The following MGLL variants were observed in gnomAD, a reference collection of about 807,000 sequenced individuals.
The protein encoded by MGLL is monoglyceride lipase.
A neutral mutation model predicts 29.1 loss-of-function variants in MGLL; 7 were observed. That is an observed-to-expected ratio of 0.24 (90% CI 0.14 to 0.45). The LOEUF is 0.45. Among genes scored for constraint, MGLL ranks in the 20% least tolerant of loss-of-function variants. MGLL has a pLI of 0.99. For missense variants in MGLL, 356 were observed against 413.6 expected (o/e 0.86, Z 1.21); for synonymous variants, 148 against 168.3 (o/e 0.88, Z 0.93).
chr3:127,750,207 C>T (rs796489397), intron 3 of MGLL, among the ~76,000 whole-genome samples: 8 of 152,212 alleles, frequency 5.3e-5, no homozygotes, highest in African/African-American at 1.2e-4. Flanking sequence ...GTGTCCCGTT[C>T]GTCTCCTGGT....
At chr3:127,800,435 G>GT in intron 2 of MGLL, among the ~76,000 whole-genome samples, 1 of 152,272 alleles carries the variant, frequency 6.6e-6, no homozygotes, top group Non-Finnish European at 1.5e-5. Context: ...TCCTACTTCT[G>GT]TGAGTTTGGG....
At chr3:127,800,369 A>T (rs2077454082) in intron 2 of MGLL, among the ~76,000 whole-genome samples, 2 of 152,284 alleles carry the variant, frequency 1.3e-5, no homozygotes, top group Admixed American at 1.3e-4. Context: ...CATTAATAAG[A>T]CCCCTTACAT....
At chr3:127,810,152 AC>A (rs777095174) in intron 2 of MGLL, among the ~76,000 whole-genome samples, 5 of 152,220 alleles carry the variant, frequency 3.3e-5, no homozygotes, top group Non-Finnish European at 7.3e-5. Flanking sequence ...ACACGAGGAC[AC>A]AGAAAGAAGG....
At chr3:127,788,484 G>C (rs975011262) in intron 2 of MGLL, among the ~76,000 whole-genome samples, 17 of 152,204 alleles carry the variant, frequency 1.1e-4, no homozygotes, top group African/African-American at 3.6e-4. Context: ...ACAACACCAC[G>C]TAATGGTCAG....
At chr3:127,764,364 A>C (rs1283506885) in intron 3 of MGLL, among the ~76,000 whole-genome samples, 1 of 152,158 alleles carries the variant, frequency 6.6e-6, no homozygotes, top group Non-Finnish European at 1.5e-5. Context: ...GCCTCTCAGC[A>C]CCTTGTGACT....
At chr3:127,797,755 G>A (rs115591802) in intron 2 of MGLL, among the ~76,000 whole-genome samples, 1,757 of 152,170 alleles carry the variant, frequency 0.012, 23 homozygotes, top group South Asian at 0.024. Context: ...CTATAGGCGC[G>A]AGCCACCACT....
intron 1 of MGLL, 168 bp downstream of exon 1, chr3:127,822,141 T>G (rs980597251): frequency 6.3e-5 from 48 of 756,730 alleles, no homozygotes; most frequent in Admixed American, 1.9e-4. Context: ...CTATTTTAGC[T>G]GTAATCAAGT....
intron 2 of MGLL, among the ~76,000 whole-genome samples, chr3:127,806,963 G>A (rs969757883): frequency 6.6e-6 from 1 of 152,106 alleles, no homozygotes; most frequent in Non-Finnish European, 1.5e-5. Flanking sequence ...TTCTTTTCTT[G>A]TGATGTCTTT....
At chr3:127,704,871 G>C (rs1048021648) in intron 6 of MGLL, among the ~76,000 whole-genome samples, 9 of 152,120 alleles carry the variant, frequency 5.9e-5, no homozygotes, top group African/African-American at 2.2e-4. Context: ...GTATTACTGG[G>C]TATACACCCA....
intron 3 of MGLL, among the ~76,000 whole-genome samples, chr3:127,744,951 G>C (rs1439664790): frequency 6.6e-6 from 1 of 152,198 alleles, no homozygotes; most frequent in African/African-American, 2.4e-5. Flanking sequence ...TTAGAAAACA[G>C]ATGACAGAGA....
chr3:127,736,058 C>T (rs1479986584), intron 3 of MGLL: 1 of 1,325,326 alleles, frequency 7.5e-7, no homozygotes, highest in Non-Finnish European at 9.6e-7. Flanking sequence ...TCAGTTAGAT[C>T]TGTTGTCCTC....
chr3:127,739,337 T>A (rs569931799), intron 3 of MGLL, among the ~76,000 whole-genome samples: 5 of 152,300 alleles, frequency 3.3e-5, no homozygotes, highest in Admixed American at 2.6e-4. Context: ...AGATAATTGC[T>A]ATAAAGTGCT....
intron 3 of MGLL, among the ~76,000 whole-genome samples, chr3:127,746,043 T>C (rs917427573): frequency 2.0e-5 from 3 of 152,066 alleles, no homozygotes; most frequent in African/African-American, 7.2e-5. Context: ...GCTTGGGAGA[T>C]GGGGGCCCAG....
At chr3:127,738,217 C>T (rs1283669246) in intron 3 of MGLL, among the ~76,000 whole-genome samples, 3 of 151,588 alleles carry the variant, frequency 2.0e-5, no homozygotes, top group Admixed American at 1.3e-4. Flanking sequence ...AGGAGGATCG[C>T]TTGAGCCCGG....
At chr3:127,716,305 C>T (rs2075814157) in intron 5 of MGLL, among the ~76,000 whole-genome samples, 1 of 152,240 alleles carries the variant, frequency 6.6e-6, no homozygotes, top group South Asian at 2.1e-4. Flanking sequence ...GATAATTAAA[C>T]TAACTCCGAA....
rs1475987797 is a variant in MGLL, at chr3:127,761,354, G to A, written c.262+20435C>T. Among the ~76,000 whole-genome samples, 4 of 152,214 alleles carry A rather than the reference G, an allele frequency of 2.6e-5. No homozygotes were observed. The highest frequency in any genetic ancestry group is 5.9e-5 in the Non-Finnish European group (4 of 68,034). ...TTAGAGCCACCGTGTTGTGTTGGGG[G>A]TGCTGGCTTAGTTTAGGGTGGGGAT... On this transcript the variant is annotated intron_variant, in intron 3 of 7. Transcript: ENST00000265052. The surrounding 1 kb of genome is among the most constrained non-coding windows in gnomAD (Gnocchi z 4.6).
intron 3 of MGLL, among the ~76,000 whole-genome samples, chr3:127,758,801 T>C (rs2076709129): frequency 6.6e-6 from 1 of 152,182 alleles, no homozygotes; most frequent in Non-Finnish European, 1.5e-5. Flanking sequence ...GAGAAAAATA[T>C]CATTCTTGAA....
intron 3 of MGLL, among the ~76,000 whole-genome samples, chr3:127,774,283 A>C (rs1032326750): frequency 3.3e-5 from 5 of 152,206 alleles, no homozygotes; most frequent in Non-Finnish European, 5.9e-5. Flanking sequence ...AATGGGTCCA[A>C]ATGACTGCCA....
At chr3:127,734,976 T>C (rs1302747211) in intron 3 of MGLL, among the ~76,000 whole-genome samples, 3 of 152,200 alleles carry the variant, frequency 2.0e-5, no homozygotes, top group African/African-American at 7.2e-5. Context: ...GTCAGGGCAA[T>C]AAGACAGACG....
Sources: gnomAD v4.1 joint callset for allele counts (sites outside exome capture counted in the v4.1 genomes callset) on GRCh38, gnomAD v4.1.1 for gene constraint, Gnocchi (gnomAD v3.1) non-coding constraint, MANE v1.5 for transcripts, NCBI Gene and HGNC (gene_info 2026-07-23, HGNC 2026-07-21) for gene names.